The following PHTF2 variants were observed in gnomAD, a reference collection of about 807,000 sequenced individuals.
The protein encoded by PHTF2 is putative homeodomain transcription factor 2, also known as protein PHTF2.
Under a neutral mutation model 101.2 loss-of-function variants are expected in PHTF2, and 60 were observed. That is an observed-to-expected ratio of 0.59 (90% CI 0.48 to 0.73). The LOEUF is 0.73. Ranked by LOEUF, PHTF2 falls within the 30% of genes least tolerant of loss-of-function variation. The probability of loss-of-function intolerance (pLI) is 0.00; values close to 1 mark genes in which losing one functional copy is unlikely to be tolerated. For missense variants in PHTF2, 747 were observed against 908.7 expected, an observed-to-expected ratio of 0.82 and a Z score of 2.29; for synonymous variants, 311 against 307.3, an observed-to-expected ratio of 1.01 and a Z score of -0.13.
chr7:77,809,747 T>G (rs2150483003), intron 1 of PHTF2, among the ~76,000 whole-genome samples: 1 of 152,312 alleles, frequency 6.6e-6, no homozygotes, highest in South Asian at 2.1e-4. Flanking sequence ...ACCTTGGACA[T>G]AGTAGATATT....
chr7:77,819,403 T>G (rs983876869), intron 1 of PHTF2, among the ~76,000 whole-genome samples: 10 of 152,318 alleles, frequency 6.6e-5, no homozygotes, highest in Middle Eastern at 3.4e-3. Context: ...TGTTGAGATA[T>G]TTTCCTTCTA....
At chr7:77,887,351 A>G (rs760931532) in intron 3 of PHTF2, among the ~76,000 whole-genome samples, 1 of 149,754 alleles carries the variant, frequency 6.7e-6, no homozygotes, top group African/African-American at 2.5e-5. Flanking sequence ...CAGTATCTCA[A>G]TTTCTTTTTT....
chr7:77,921,814 A>G (rs1376414314), intron 10 of PHTF2, among the ~76,000 whole-genome samples: 2 of 152,182 alleles, frequency 1.3e-5, no homozygotes, highest in African/African-American at 4.8e-5. Flanking sequence ...AACTCTGGAT[A>G]TCTTTTACAA....
At chr7:77,944,315 C>T (rs982418041) in intron 16 of PHTF2, among the ~76,000 whole-genome samples, 1 of 152,184 alleles carries the variant, frequency 6.6e-6, no homozygotes, top group African/African-American at 2.4e-5. Context: ...CAAAGATCTA[C>T]AGCCTCAGTG....
chr7:77,886,435 C>T (rs1165635119), intron 3 of PHTF2, among the ~76,000 whole-genome samples: 1 of 152,140 alleles, frequency 6.6e-6, no homozygotes, highest in Non-Finnish European at 1.5e-5. Flanking sequence ...TCTCTACCTA[C>T]CAATCCTCCC....
chr7:77,951,623 C>T, exon 18 of PHTF2: 4 of 1,330,368 alleles, frequency 3.0e-6, no homozygotes, highest in Non-Finnish European at 4.1e-6. Flanking sequence ...AAAGATAAAC[C>T]TCTACTTGAA....
intron 8 of PHTF2, chr7:77,909,995 T>C: frequency 6.2e-6 from 2 of 321,918 alleles, no homozygotes; most frequent in Non-Finnish European, 5.6e-6. Flanking sequence ...ATCCATCCAA[T>C]GCAATCCTTT....
chr7:77,836,438 C>T (rs1003635369), intron 1 of PHTF2, among the ~76,000 whole-genome samples: 9 of 152,184 alleles, frequency 5.9e-5, no homozygotes, highest in African/African-American at 2.2e-4. Context: ...ACTTAACATA[C>T]CATCTCTTCT....
intron 3 of PHTF2, among the ~76,000 whole-genome samples, chr7:77,885,782 A>T (rs1278512071): frequency 6.6e-6 from 1 of 152,102 alleles, no homozygotes; most frequent in African/African-American, 2.4e-5. Context: ...TTGCTGACAA[A>T]ATTAGACAGC....
chr7:77,906,974 G>A (rs1479898743), intron 7 of PHTF2, among the ~76,000 whole-genome samples: 1 of 146,294 alleles, frequency 6.8e-6, no homozygotes, highest in African/African-American at 2.5e-5. Context: ...CCAATGTTAA[G>A]TATACATTTA....
At chr7:77,886,404 C>T (rs975008764) in intron 3 of PHTF2, among the ~76,000 whole-genome samples, 19 of 152,274 alleles carry the variant, frequency 1.2e-4, no homozygotes, top group African/African-American at 4.6e-4. Flanking sequence ...TTGGCAGATA[C>T]CTAGACAAAG....
intron 5 of PHTF2, 48 bp from the exon 5 acceptor site, chr7:77,900,663 A>G (rs1431600795): frequency 2.2e-6 from 2 of 912,890 alleles, no homozygotes; most frequent in Non-Finnish European, 3.7e-6. Flanking sequence ...CTCCTGTTCT[A>G]GATTTAAGTA....
intron 11 of PHTF2, among the ~76,000 whole-genome samples, chr7:77,926,181 A>C (rs1238314141): frequency 6.6e-6 from 1 of 152,242 alleles, no homozygotes; most frequent in Non-Finnish European, 1.5e-5. Flanking sequence ...TCAGGCCTTT[A>C]ATCCTGATTA....
At chr7:77,895,907 C>T (rs563420825) in intron 5 of PHTF2, 18 of 152,188 alleles carry the variant, frequency 1.2e-4, no homozygotes, top group Admixed American at 2.0e-4. Context: ...CAAGTTATCT[C>T]GATCGTTCAC....
At chr7:77,910,111 TAGTA>T in intron 8 of PHTF2, 130 bp from the exon 8 acceptor site, 1 of 630,912 alleles carries the variant, frequency 1.6e-6, no homozygotes, top group Non-Finnish European at 2.7e-6. Flanking sequence ...AAATTTTATC[TAGTA>T]AATCTAAATT....
intron 1 of PHTF2, among the ~76,000 whole-genome samples, 188 bp downstream of exon 1, chr7:77,799,159 G>C (rs1432650863): frequency 6.6e-6 from 1 of 152,232 alleles, no homozygotes; most frequent in Non-Finnish European, 1.5e-5. Context: ...CTGAGGGCCG[G>C]GGTCAGCCGC....
chr7:77,865,345 C>A (rs1399655490), intron 3 of PHTF2, among the ~76,000 whole-genome samples: 1 of 152,074 alleles, frequency 6.6e-6, no homozygotes, highest in Non-Finnish European at 1.5e-5. Flanking sequence ...CCTGCCTCAG[C>A]CCCCTGAGTA....
chr7:77,940,145 TCACAG>T lies in PHTF2; in HGVS notation c.1588_1592del (p.Ala530PhefsTer13). On this transcript the variant is annotated frameshift_variant, in exon 14 of 20. Coordinates refer to ENST00000416283, the Ensembl canonical transcript of PHTF2. LOFTEE classifies it high-confidence loss of function. ...TCTCAAGCTACAGACTTGGAACAAC[TCACAG>T]CACATTCTGCTTCAGAACTTTATGT... The T allele has an allele frequency of 6.2e-7, 1 of 1,613,902 alleles. No individual in the cohort carries two copies. Among genetic ancestry groups the T allele is most frequent in the Non-Finnish European group, 8.5e-7 (1 of 1,179,834 alleles).
intron 1 of PHTF2, among the ~76,000 whole-genome samples, chr7:77,839,053 G>A (rs188814619): frequency 5.8e-4 from 88 of 152,204 alleles, no homozygotes; most frequent in Admixed American, 2.5e-3. Flanking sequence ...CCCAAGAGTG[G>A]TATATAAAAC....
Sources: gnomAD v4.1 joint callset for allele counts (sites outside exome capture counted in the v4.1 genomes callset) on GRCh38, gnomAD v4.1.1 for gene constraint, MANE v1.5 for transcripts, NCBI Gene and HGNC (gene_info 2026-07-23, HGNC 2026-07-21) for gene names.